LRBA: variants seen among roughly 807,000 people sequenced by gnomAD.
LRBA encodes LPS responsive beige-like anchor protein.
LRBA carries 176 observed loss-of-function variants against 330.0 expected under a neutral mutation model. That is an observed-to-expected ratio of 0.53 (90% CI 0.47 to 0.60). The LOEUF is 0.60. Ranked by LOEUF, LRBA falls within the 20% of genes least tolerant of loss-of-function variation. LRBA has a pLI of 0.00. For synonymous variants in LRBA, 1,230 were observed against 1,193.0 expected (o/e 1.03, Z -0.64); for missense variants, 3,259 against 3,444.8 (o/e 0.95, Z 1.35).
chr4:150,563,841 C>A (rs1768746407), intron 40 of LRBA, among the ~76,000 whole-genome samples: 1 of 152,076 alleles, frequency 6.6e-6, no homozygotes, highest in East Asian at 1.9e-4. Flanking sequence ...TGTGAAGAAC[C>A]TCCTCAAGGA....
intron 40 of LRBA, among the ~76,000 whole-genome samples, chr4:150,508,067 G>A (rs1027001305): frequency 2.1e-4 from 27 of 130,960 alleles, no homozygotes; most frequent in Non-Finnish European, 3.0e-4. Flanking sequence ...ATCACAAACC[G>A]GGGACTGTTG....
intron 47 of LRBA, among the ~76,000 whole-genome samples, chr4:150,361,339 T>G (rs1470437370): frequency 6.6e-6 from 1 of 152,202 alleles, no homozygotes; most frequent in African/African-American, 2.4e-5. Flanking sequence ...CAATAGAGAC[T>G]TCTTGCAAGA....
chr4:150,423,506 C>T (rs183772858), intron 46 of LRBA: 1 of 486,964 alleles, frequency 2.1e-6, no homozygotes, highest in Non-Finnish European at 3.8e-6. Context: ...TTCCATGGAC[C>T]TGGGTGTCCT....
intron 36 of LRBA, among the ~76,000 whole-genome samples, chr4:150,686,205 C>G (rs1477280263): frequency 1.3e-5 from 2 of 152,142 alleles, no homozygotes; most frequent in East Asian, 1.9e-4. Context: ...TGTGAGGGTA[C>G]TTGAGAGTAC....
intron 37 of LRBA, among the ~76,000 whole-genome samples, chr4:150,672,013 T>A (rs571004478): frequency 2.0e-5 from 3 of 152,316 alleles, no homozygotes; most frequent in African/African-American, 4.8e-5. Flanking sequence ...TCTGAATGTA[T>A]AATATAAAGC....
intron 30 of LRBA, among the ~76,000 whole-genome samples, chr4:150,820,006 C>T (rs1004730445): frequency 2.6e-5 from 4 of 151,994 alleles, no homozygotes; most frequent in African/African-American, 9.7e-5. Context: ...TCCAACCCTT[C>T]GTATATATGC....
chr4:150,783,968 T>G (rs1283496291), intron 34 of LRBA, among the ~76,000 whole-genome samples: 1 of 152,104 alleles, frequency 6.6e-6, no homozygotes, highest in African/African-American at 2.4e-5. Context: ...GGAAAGTAAA[T>G]TTGTTAGTAT....
chr4:150,900,366 C>A, intron 13 of LRBA, 149 bp from the exon 14 acceptor site: 1 of 500,104 alleles, frequency 2.0e-6, no homozygotes, highest in Non-Finnish European at 3.5e-6. Context: ...ACAACACATA[C>A]TCACTGACAC....
At position 150,627,414 on chromosome 4, in the gene LRBA, C is replaced by A. The variant is rs1181070422; in HGVS notation, c.5922-28283G>T. ...TATTTTTATGGTATAAATGTTAAAT[C>A]ATTATTAGTATAAACACAAGGGTAG... On this transcript the variant is annotated intron_variant, in intron 37 of 56. Coordinates refer to ENST00000651943, the MANE Select transcript of LRBA (RefSeq NM_001364905.1). Among the ~76,000 whole-genome samples, 6 of 152,020 alleles carry A rather than the reference C, an allele frequency of 3.9e-5. No individual in the cohort carries two copies. The East Asian group carries it at 7.7e-4, about 20-fold the overall frequency.
chr4:150,703,402 A>T (rs1785302408), intron 36 of LRBA, among the ~76,000 whole-genome samples: 1 of 152,230 alleles, frequency 6.6e-6, no homozygotes, highest in Non-Finnish European at 1.5e-5. Context: ...ATCTTCTTTA[A>T]TCCTAACATA....
intron 28 of LRBA, among the ~76,000 whole-genome samples, chr4:150,836,231 A>G (rs1340021691): frequency 6.6e-6 from 1 of 152,150 alleles, no homozygotes; most frequent in East Asian, 1.9e-4. Flanking sequence ...TTTTGCATCG[A>G]TGTTCATCAG....
intron 47 of LRBA, among the ~76,000 whole-genome samples, chr4:150,361,769 C>G (rs900850767): frequency 7.6e-6 from 1 of 130,878 alleles, no homozygotes; most frequent in African/African-American, 2.8e-5. Context: ...GCCCATCATA[C>G]TACTTTTTTT....
intron 48 of LRBA, among the ~76,000 whole-genome samples, chr4:150,340,937 T>C (rs1735451036): frequency 6.6e-6 from 1 of 152,110 alleles, no homozygotes; most frequent in Non-Finnish European, 1.5e-5. Flanking sequence ...GATTTTATTC[T>C]ATGTTTGATG....
intron 47 of LRBA, among the ~76,000 whole-genome samples, chr4:150,412,910 C>T (rs1388039638): frequency 6.6e-6 from 1 of 150,492 alleles, no homozygotes; most frequent in African/African-American, 2.4e-5. Context: ...ATTCAAAAGA[C>T]ACCATTAAAA....
rs372011490 is a variant in LRBA at position 150,788,577 on chromosome 4, A to G, written c.5580+9504T>C. Among the ~76,000 whole-genome samples the G allele has an allele frequency of 3.9e-5, 6 of 152,126 alleles. 1 individual carries two copies. The highest frequency in any genetic ancestry group is 9.7e-5 in the African/African-American group (4 of 41,438). ...GGAGTTCAAGACCATCCTGGCCAAC[A>G]TGGTGAAACCCCGTTTCTACAAAAA... On this transcript the variant is annotated intron_variant, in intron 34 of 56. Transcript: ENST00000651943.
At chr4:150,823,980 A>G (rs1745852975) in intron 30 of LRBA, among the ~76,000 whole-genome samples, 1 of 152,142 alleles carries the variant, frequency 6.6e-6, no homozygotes, top group Non-Finnish European at 1.5e-5. Flanking sequence ...TGTCACTGGT[A>G]TTTTGATATG....
At chr4:150,893,541 G>C (rs1012036006) in intron 16 of LRBA, among the ~76,000 whole-genome samples, 1 of 152,080 alleles carries the variant, frequency 6.6e-6, no homozygotes, top group African/African-American at 2.4e-5. Context: ...GTAGAGACAA[G>C]GTTTCACCAT....
At chr4:150,326,481 C>A (rs756783284) in intron 48 of LRBA, among the ~76,000 whole-genome samples, 1 of 152,168 alleles carries the variant, frequency 6.6e-6, no homozygotes, top group Non-Finnish European at 1.5e-5. Flanking sequence ...CAGGGAGTCA[C>A]TAAACATGAG....
At chr4:150,460,327 A>T (rs1754607526) in intron 44 of LRBA, among the ~76,000 whole-genome samples, 1 of 151,802 alleles carries the variant, frequency 6.6e-6, no homozygotes, top group Non-Finnish European at 1.5e-5. Flanking sequence ...GAGAAAAAAA[A>T]ATCACTTACT....
Sources: gnomAD v4.1 joint callset for allele counts (sites outside exome capture counted in the v4.1 genomes callset) on GRCh38, gnomAD v4.1.1 for gene constraint, MANE v1.5 for transcripts, NCBI Gene and HGNC (gene_info 2026-07-23, HGNC 2026-07-21) for gene names.